Variants in SEMA5A observed in about 807,000 individuals in gnomAD.
SEMA5A encodes the protein semaphorin 5A.
SEMA5A carries 55 observed loss-of-function variants against 135.5 expected under a neutral mutation model. The ratio of observed to expected loss-of-function variants is 0.41; its 90% CI spans 0.33 to 0.51. The LOEUF is 0.51. SEMA5A is among the 20% of genes least tolerant of loss of function. SEMA5A has a pLI of 0.37. For synonymous variants in SEMA5A, 580 were observed against 546.5 expected (o/e 1.06, Z -0.85); for missense variants, 1,290 against 1,419.9 (o/e 0.91, Z 1.47).
chr5:9,412,577 G>A (rs1302667440), intron 2 of SEMA5A, among the ~76,000 whole-genome samples: 1 of 139,686 alleles, frequency 7.2e-6, no homozygotes, highest in East Asian at 2.1e-4. Flanking sequence ...GGCCAGAACG[G>A]ATTCAGATTT....
chr5:9,160,939 T>C (rs563443888), intron 11 of SEMA5A, among the ~76,000 whole-genome samples: 1 of 151,762 alleles, frequency 6.6e-6, no homozygotes, highest in Admixed American at 6.6e-5. Context: ...AAGACAGGAG[T>C]GTAACTTGAA....
chr5:9,333,347 T>C (rs1753243063), intron 4 of SEMA5A, among the ~76,000 whole-genome samples: 1 of 152,226 alleles, frequency 6.6e-6, no homozygotes, highest in African/African-American at 2.4e-5. Context: ...AATTTGTAAA[T>C]GTCCAACAGC....
intron 11 of SEMA5A, among the ~76,000 whole-genome samples, chr5:9,173,279 GTTTTT>G (rs35531350): frequency 3.3e-5 from 4 of 121,816 alleles, no homozygotes; most frequent in Non-Finnish European, 5.2e-5. Flanking sequence ...TCTTCACCCG[GTTTTT>G]TTTTTTTTTT....
intron 1 of SEMA5A, among the ~76,000 whole-genome samples, chr5:9,500,508 C>T (rs1735538270): frequency 6.6e-6 from 1 of 152,180 alleles, no homozygotes; most frequent in South Asian, 2.1e-4. Context: ...TTTCTCCTAA[C>T]TGATCCAGAC....
In SEMA5A at chr5:9,505,365, A is replaced by C. The variant is rs6898880; in HGVS notation, c.-175+40219T>G. Among the ~76,000 whole-genome samples, 495 of 152,312 alleles carry C rather than the reference A, an allele frequency of 3.2e-3. 2 individuals are homozygous for C. In the South Asian group the frequency reaches 0.042, roughly 13 times the overall value. On this transcript the variant is annotated intron_variant, in intron 1 of 22. Transcript: ENST00000382496. ...TATAATTTTTTAAAAATTAAACTTC[A>C]CATGCCTATGACTCAAACTTTCAAA...
At chr5:9,092,015 A>G (rs1351787372) in intron 16 of SEMA5A, among the ~76,000 whole-genome samples, 1 of 152,188 alleles carries the variant, frequency 6.6e-6, no homozygotes, top group East Asian at 1.9e-4. Context: ...CTTGCTTTCA[A>G]CTATGATACT....
At chr5:9,536,424 C>T (rs1737770521) in intron 1 of SEMA5A, among the ~76,000 whole-genome samples, 1 of 151,962 alleles carries the variant, frequency 6.6e-6, no homozygotes, top group Non-Finnish European at 1.5e-5. Context: ...ACCAGCCTGA[C>T]CAACATGGTG....
At chr5:9,070,146 G>A (rs982726855) in intron 16 of SEMA5A, among the ~76,000 whole-genome samples, 6 of 152,132 alleles carry the variant, frequency 3.9e-5, no homozygotes, top group Admixed American at 6.5e-5. Context: ...CAAGGTGGGC[G>A]GATCACCTGA....
In SEMA5A at chr5:9,039,476, T is replaced by C. The variant is rs1487449869; in HGVS notation, c.*3421A>G. 6.6e-6 allele frequency: 1 copy of C among 152,228 alleles called. No homozygotes were observed. The highest frequency in any genetic ancestry group is 1.5e-5 in the Non-Finnish European group (1 of 68,060). 9.4% of individuals were successfully genotyped at this position (152,228 alleles called of 1,614,324 possible). ...CCTCATTCAATGTTTATCGTCTCTT[T>C]TCAATTCCTTTAGAACCTCAGCCCC... is the stretch of plus-strand genomic sequence containing the variant. On this transcript the variant is annotated 3_prime_UTR_variant, in exon 23 of 23. Transcript: ENST00000382496.
chr5:9,408,275 C>A (rs1397303572), intron 2 of SEMA5A, among the ~76,000 whole-genome samples: 3 of 152,200 alleles, frequency 2.0e-5, no homozygotes, highest in Non-Finnish European at 4.4e-5. Context: ...CTGCATTGGG[C>A]TCCAGCACAA....
chr5:9,491,287 A>G (rs1734990467), intron 1 of SEMA5A, among the ~76,000 whole-genome samples: 1 of 152,132 alleles, frequency 6.6e-6, no homozygotes, highest in Non-Finnish European at 1.5e-5. Flanking sequence ...TCGGGGCACG[A>G]GACTGGTCTG....
chr5:9,211,375 C>A (rs1746337875), intron 8 of SEMA5A, among the ~76,000 whole-genome samples: 1 of 152,186 alleles, frequency 6.6e-6, no homozygotes, highest in African/African-American at 2.4e-5. Flanking sequence ...ACATATACTT[C>A]ATTCCCAATC....
At chr5:9,506,913 G>C (rs1217870156) in intron 1 of SEMA5A, among the ~76,000 whole-genome samples, 2 of 152,118 alleles carry the variant, frequency 1.3e-5, no homozygotes, top group Non-Finnish European at 2.9e-5. Context: ...CTTGTGCTGA[G>C]ATAACTTTTA....
intron 11 of SEMA5A, among the ~76,000 whole-genome samples, chr5:9,175,308 AG>A (rs1472370770): frequency 2.0e-5 from 3 of 152,180 alleles, no homozygotes; most frequent in African/African-American, 7.2e-5. Context: ...GCCCTGGGAC[AG>A]AGATGCAGTC....
chr5:9,304,968 A>G (rs767758819), intron 5 of SEMA5A, among the ~76,000 whole-genome samples: 1 of 152,172 alleles, frequency 6.6e-6, no homozygotes, highest in African/African-American at 2.4e-5. Flanking sequence ...ATGCATTCAA[A>G]CACCTCAGAT....
intron 1 of SEMA5A, among the ~76,000 whole-genome samples, chr5:9,538,286 G>A (rs991572085): frequency 5.3e-5 from 8 of 151,896 alleles, no homozygotes; most frequent in Non-Finnish European, 7.4e-5. Flanking sequence ...GGGGAGGTGC[G>A]CGGGGTGGGA....
intron 2 of SEMA5A, among the ~76,000 whole-genome samples, chr5:9,390,587 G>T (rs916273129): frequency 2.6e-5 from 4 of 152,156 alleles, no homozygotes; most frequent in South Asian, 2.1e-4. Context: ...GGAATAACAC[G>T]GTGTATATCT....
intron 5 of SEMA5A, among the ~76,000 whole-genome samples, chr5:9,241,290 CA>C (rs1445904169): frequency 1.3e-5 from 2 of 151,860 alleles, no homozygotes; most frequent in African/African-American, 4.8e-5. Flanking sequence ...CTTTATTTAA[CA>C]AATATTCATT....
intron 2 of SEMA5A, among the ~76,000 whole-genome samples, chr5:9,420,189 GC>G (rs1375082026): frequency 6.6e-6 from 1 of 152,072 alleles, no homozygotes; most frequent in Non-Finnish European, 1.5e-5. Context: ...ACTCATGGAA[GC>G]CCCTGCTTTT....
Sources: gnomAD v4.1 joint callset for allele counts (sites outside exome capture counted in the v4.1 genomes callset) on GRCh38, gnomAD v4.1.1 for gene constraint, MANE v1.5 for transcripts, NCBI Gene and HGNC (gene_info 2026-07-23, HGNC 2026-07-21) for gene names.